The following EMG1 variants were observed in gnomAD, a reference collection of about 807,000 sequenced individuals.
The protein encoded by EMG1 is EMG1 N1-specific pseudouridine methyltransferase, also known as ribosomal RNA small subunit methyltransferase NEP1.
Under a neutral mutation model 26.9 loss-of-function variants are expected in EMG1, and 24 were observed. The observed-to-expected ratio is 0.89, with a 90% CI of 0.65 to 1.26. The LOEUF is 1.26. Ranked by LOEUF, EMG1 falls within the 50% of genes most tolerant of loss-of-function variation. The pLI is 0.00. For synonymous variants in EMG1, 140 were observed against 112.6 expected (o/e 1.24, Z -1.54); for missense variants, 299 against 307.6 (o/e 0.97, Z 0.21).
Position 6,977,100 on chromosome 12 carries a change from TG to T in EMG1, c.*1293del. The stretch of plus-strand genomic sequence containing the variant: ...CAGTCTGTTGCTCTATTCTGTAACC[TG>T]GTGGTAGTTTTAGTTTAGCTGTATT... On this transcript the variant is annotated 3_prime_UTR_variant, in exon 6 of 6. Transcript: ENST00000599672. This position sits in a 1 kb window ranked among gnomAD's most constrained non-coding sequence, Gnocchi z 4.5. 7.9e-7 allele frequency: 1 copy of T among 1,266,478 alleles called. No homozygotes were observed. The highest frequency in any genetic ancestry group is 1.2e-6 in the Non-Finnish European group (1 of 864,698). 78.5% of individuals were successfully genotyped at this position (1,266,478 alleles called of 1,614,324 possible).
At chr12:6,993,278 C>G (rs781986263) in intron 7 of EMG1, among the ~76,000 whole-genome samples, 44 of 151,838 alleles carry the variant, frequency 2.9e-4, no homozygotes, top group African/African-American at 1.0e-3. Context: ...TCTCTACTAA[C>G]AAAAAATTAG....
chr12:6,990,215 TA>T (rs1160111302), downstream of EMG1, among the ~76,000 whole-genome samples: 3 of 146,960 alleles, frequency 2.0e-5, no homozygotes, highest in Non-Finnish European at 3.0e-5. Flanking sequence ...TAAATAAAAA[TA>T]AAAAAAATAT....
In EMG1 at chr12:6,977,409, G is replaced by A. The variant is rs1555153402; in HGVS notation, c.*1600G>A. 6.2e-7 allele frequency: 1 copy of A among 1,614,206 alleles called. No individual in the cohort carries two copies. The highest frequency in any genetic ancestry group is 1.7e-5 in the Admixed American group (1 of 60,028). On this transcript the variant is annotated 3_prime_UTR_variant, in exon 6 of 6. Transcript: ENST00000599672. This position sits in a 1 kb window ranked among gnomAD's most constrained non-coding sequence, Gnocchi z 4.5. ...ACGTGAAGAGGCAGAAGGCAGTCAT[G>A]GAGTAACCCATGAAGAGCCAGTGGA...
chr12:6,992,858 A>T (rs782529899), downstream of EMG1, among the ~76,000 whole-genome samples: 95 of 152,342 alleles, frequency 6.2e-4, no homozygotes, highest in African/African-American at 2.0e-3. Flanking sequence ...AATATGGTGT[A>T]GTATTGCATG....
downstream of EMG1, chr12:6,983,165 A>G: frequency 8.5e-6 from 4 of 468,514 alleles, no homozygotes; most frequent in Non-Finnish European, 1.2e-5. Context: ...TCATTCAGTT[A>G]CATCCACAGC....
rs1372237571 is a variant in EMG1 at position 6,978,887 on chromosome 12, G to A, written c.*3078G>A. ...CAGAGGGCCTGGAGAATATTCATTC[G>A]CCTTTCCCTTGGAGAGCCTCAAGGG... On this transcript the variant is annotated 3_prime_UTR_variant, in exon 6 of 6. Coordinates refer to ENST00000599672, the MANE Select transcript of EMG1 (RefSeq NM_006331.8). The A allele has an allele frequency of 2.9e-5, 20 of 700,512 alleles. No individual in the cohort carries two copies. Among genetic ancestry groups the A allele is most frequent in the Admixed American group, 1.6e-4 (5 of 31,542 alleles). 43.4% of individuals were successfully genotyped at this position (700,512 alleles called of 1,614,324 possible).
chr12:6,975,740 C>A lies in EMG1; in HGVS notation c.666C>A (p.Tyr222Ter), dbSNP rs1034343918. The part of the protein sequence containing the change: ...YTEKMVSISN[Y>*]PLSAALTCAK... ...AGAAGATGGTGTCCATCAGTAACTACCCCCTTTCTGCTGCCCTCACCTGTG... is the reference window on the plus strand; with the variant it reads ...AGAAGATGGTGTCCATCAGTAACTAACCCCTTTCTGCTGCCCTCACCTGTG... Residue 222 changes from tyrosine to a stop codon, truncating the protein, a stop_gained, in exon 6 of 6, where the codon TAC becomes TAA. Coordinates refer to ENST00000599672, the MANE Select transcript of EMG1 (RefSeq NM_006331.8). LOFTEE classifies it high-confidence loss of function. 6.2e-7 allele frequency: 1 copy of A among 1,613,624 alleles called. No homozygotes were observed. The highest frequency in any genetic ancestry group is 1.7e-5 in the Admixed American group (1 of 60,024).
downstream of EMG1, chr12:6,980,884 A>G: frequency 1.0e-6 from 1 of 987,130 alleles, no homozygotes; most frequent in Non-Finnish European, 1.5e-6. Flanking sequence ...ACAACAGTCC[A>G]GGGCCTGCAT....
intron 7 of EMG1, among the ~76,000 whole-genome samples, chr12:6,993,422 G>C (rs182188048): frequency 2.2e-4 from 33 of 151,094 alleles, no homozygotes; most frequent in Non-Finnish European, 4.7e-4. Flanking sequence ...AACAGAGCGA[G>C]ACTCCATCTC....
chr12:6,984,761 T>A (rs908595797), downstream of EMG1, among the ~76,000 whole-genome samples: 1 of 151,876 alleles, frequency 6.6e-6, no homozygotes, highest in African/African-American at 2.4e-5. Context: ...TATTTTGTAA[T>A]TTTTGTGGAC....
chr12:6,988,115 G>A (rs1461645670), intron 7 of EMG1: 1 of 274,918 alleles, frequency 3.6e-6, no homozygotes, highest in Non-Finnish European at 6.7e-6. Flanking sequence ...CTTAGGCCTG[G>A]TAACATCTGT....
At chr12:6,983,092 TG>T (rs1946487447), downstream of EMG1, 2 of 518,396 alleles carry the variant, frequency 3.9e-6, no homozygotes, top group South Asian at 3.4e-5. Flanking sequence ...ACACCCAGCT[TG>T]TTACTGTATT....
chr12:6,990,531 AAAT>A (rs1160854431), downstream of EMG1, among the ~76,000 whole-genome samples: 3 of 115,886 alleles, frequency 2.6e-5, no homozygotes, highest in African/African-American at 1.1e-4. Context: ...AAAATAAAAT[AAAT>A]AAATAAATAA....
At chr12:6,985,079 C>T (rs1555154621) in intron 6 of EMG1, among the ~76,000 whole-genome samples, 3 of 132,034 alleles carry the variant, frequency 2.3e-5, no homozygotes, top group African/African-American at 8.6e-5. Flanking sequence ...GTCATTTTTC[C>T]CCCATACATT....
At position 6,975,678 on chromosome 12, in the gene EMG1, A is replaced by C; in HGVS notation, c.622-18A>C. Reference sequence around the variant, plus strand: ...TACTGAGTGACAGAGTTGGCTGACAAAACTGTTCTTTTCTTAGGTCAGTGT... The same window carrying C: ...TACTGAGTGACAGAGTTGGCTGACACAACTGTTCTTTTCTTAGGTCAGTGT... On this transcript the variant is annotated intron_variant, in intron 5 of 5. Transcript: ENST00000599672. The C allele has an allele frequency of 6.5e-7, 1 of 1,546,592 alleles. No individual in the cohort carries two copies. Among genetic ancestry groups the C allele is most frequent in the Middle Eastern group, 1.7e-4 (1 of 5,934 alleles).
At chr12:6,983,312 T>C (rs1213102008), downstream of EMG1, 15 of 686,712 alleles carry the variant, frequency 2.2e-5, no homozygotes, top group African/African-American at 3.6e-5. Flanking sequence ...ACAACCCTCT[T>C]TGCAAGTGGG....
At chr12:6,990,749 C>CCCATCT (rs1229792829), downstream of EMG1, among the ~76,000 whole-genome samples, 1 of 149,328 alleles carries the variant, frequency 6.7e-6, no homozygotes, top group South Asian at 2.1e-4. Flanking sequence ...ATGGTGAAAC[C>CCCATCT]CTACTAAAAA....
At chr12:6,971,141 C>G (rs782801340) in intron 1 of EMG1, 50 bp downstream of exon 1, 1 of 1,500,438 alleles carries the variant, frequency 6.7e-7, no homozygotes. Context: ...GGTTGGGACT[C>G]CGTGGAATGA....
downstream of EMG1, chr12:6,982,687 A>G (rs781898543): frequency 1.2e-6 from 2 of 1,612,162 alleles, no homozygotes; most frequent in South Asian, 2.2e-5. Flanking sequence ...ATCTGGAAGC[A>G]AAAGGTAGTG....
Sources: allele counts gnomAD v4.1 joint callset (sites outside exome capture counted in the v4.1 genomes callset), GRCh38; gene constraint gnomAD v4.1.1; non-coding constraint Gnocchi (gnomAD v3.1); transcripts MANE v1.5; gene names NCBI Gene and HGNC (gene_info 2026-07-23, HGNC 2026-07-21).